Variants in DPYSL3 observed in about 807,000 individuals in gnomAD.
The protein encoded by DPYSL3 is dihydropyrimidinase like 3.
Under a neutral mutation model 66.1 loss-of-function variants are expected in DPYSL3, and 16 were observed. The ratio of observed to expected loss-of-function variants is 0.24; its 90% CI spans 0.16 to 0.37. The LOEUF is 0.37. Ranked by LOEUF, DPYSL3 falls within the 10% of genes least tolerant of loss-of-function variation. DPYSL3 has a pLI of 1.00. For synonymous variants in DPYSL3, 338 were observed against 345.1 expected, an observed-to-expected ratio of 0.98 and a Z score of 0.23; for missense variants, 738 against 916.2, an observed-to-expected ratio of 0.81 and a Z score of 2.51.
At chr5:147,446,240 GATA>G (rs1752627433) in intron 1 of DPYSL3, among the ~76,000 whole-genome samples, 3 of 152,278 alleles carry the variant, frequency 2.0e-5, no homozygotes, top group Admixed American at 1.3e-4. Flanking sequence ...ATCTGAGAGG[GATA>G]ATAAGGGTTT....
chr5:147,478,914 CA>C, intron 1 of DPYSL3, among the ~76,000 whole-genome samples: 1 of 152,258 alleles, frequency 6.6e-6, no homozygotes, highest in African/African-American at 2.4e-5. Flanking sequence ...ACCCTGAAGA[CA>C]AAAACTTTAT....
At chr5:147,506,054 T>C (rs1040765816) in intron 1 of DPYSL3, among the ~76,000 whole-genome samples, 11 of 152,090 alleles carry the variant, frequency 7.2e-5, no homozygotes, top group African/African-American at 2.7e-4. Context: ...CCATTTTCTG[T>C]GAGGAAACGA....
intron 1 of DPYSL3, among the ~76,000 whole-genome samples, chr5:147,470,363 C>A (rs1753068790): frequency 6.6e-6 from 1 of 152,136 alleles, no homozygotes; most frequent in Non-Finnish European, 1.5e-5. Context: ...TTCCGGTGCT[C>A]TGTAGCTCAG....
At chr5:147,445,268 C>A (rs1234077944) in intron 1 of DPYSL3, among the ~76,000 whole-genome samples, 1 of 152,190 alleles carries the variant, frequency 6.6e-6, no homozygotes, top group Non-Finnish European at 1.5e-5. Context: ...GACTTTCTGG[C>A]ACATGTGCCC....
chr5:147,418,325 C>A (rs1752012602), intron 3 of DPYSL3, 122 bp downstream of exon 3: 2 of 1,022,176 alleles, frequency 2.0e-6, no homozygotes, highest in African/African-American at 3.2e-5. Context: ...TCCCATCAGG[C>A]AACACATCTA....
intron 1 of DPYSL3, among the ~76,000 whole-genome samples, chr5:147,477,623 C>T (rs1483951996): frequency 8.3e-6 from 1 of 120,020 alleles, no homozygotes; most frequent in African/African-American, 3.1e-5. Context: ...TCGCCCAGGC[C>T]GGACTGCGGA....
chr5:147,470,668 A>G (rs759858860), intron 1 of DPYSL3, among the ~76,000 whole-genome samples: 2 of 151,974 alleles, frequency 1.3e-5, no homozygotes, highest in Admixed American at 6.6e-5. Context: ...CCTAACTTGC[A>G]TTTTATGTTC....
Position 147,453,831 on chromosome 5 carries a change from T to C in DPYSL3, c.382-28868A>G, listed in dbSNP as rs1752794641. On this transcript the variant is annotated intron_variant, in intron 1 of 13. Transcript: ENST00000343218. ...CCACGCACACCCTCCTCCACCCGCG[T>C]TCACGCCCGGGTTTTGTTTTTTTTT... 4 of 1,055,792 alleles carry C rather than the reference T, an allele frequency of 3.8e-6. 1 individual carries two copies. Among genetic ancestry groups the C allele is most frequent in the East Asian group, 3.4e-5 (1 of 29,166 alleles). 65.4% of individuals were successfully genotyped at this position (1,055,792 alleles called of 1,614,324 possible).
At chr5:147,407,051 T>C (rs1758342316) in intron 7 of DPYSL3, among the ~76,000 whole-genome samples, 1 of 152,122 alleles carries the variant, frequency 6.6e-6, no homozygotes, top group Non-Finnish European at 1.5e-5. Context: ...ATGCCTGGGG[T>C]CCCAGCTCTC....
chr5:147,497,613 T>A (rs915036993), intron 1 of DPYSL3, among the ~76,000 whole-genome samples: 3 of 151,540 alleles, frequency 2.0e-5, no homozygotes, highest in African/African-American at 7.3e-5. Flanking sequence ...ACATTACACA[T>A]AATATAATCC....
chr5:147,480,625 G>A (rs567640981), intron 1 of DPYSL3, among the ~76,000 whole-genome samples: 1 of 151,836 alleles, frequency 6.6e-6, no homozygotes, highest in South Asian at 2.1e-4. Context: ...TTTATCTGCT[G>A]TAGGAAGCTA....
At chr5:147,411,889 C>A (rs940250518) in intron 6 of DPYSL3, among the ~76,000 whole-genome samples, 4 of 152,146 alleles carry the variant, frequency 2.6e-5, no homozygotes. Flanking sequence ...TTCTTGTTGC[C>A]AACATTATCA....
At position 147,509,514 on chromosome 5, in the gene DPYSL3, G is replaced by C. The variant is rs1199742413; in HGVS notation, c.345C>G (p.Gly115=). Residue 115 remains glycine, a synonymous_variant, in exon 1 of 14, where the codon GGC becomes GGG. Transcript: ENST00000343218. The surrounding 1 kb of genome is among the most constrained non-coding windows in gnomAD (Gnocchi z 5.3). Reference sequence around the variant, plus strand: ...GGCCGAGGTTCTGCAACACCTCTTTGCCGGTGGCGCTCCGGATCTCTACCC... The same window carrying C: ...GGCCGAGGTTCTGCAACACCTCTTTCCCGGTGGCGCTCCGGATCTCTACCC... ...PAGVEIRSAT[G]KEVLQNLGPK... 6.5e-7 allele frequency: 1 copy of C among 1,532,958 alleles called. No individual in the cohort carries two copies. The highest frequency in any genetic ancestry group is 2.4e-5 in the East Asian group (1 of 40,880). The allele number at this position is 1,532,958 out of a possible 1,614,324, so 95.0% of individuals were successfully genotyped here.
chr5:147,474,832 G>A (rs1208483023), intron 1 of DPYSL3, among the ~76,000 whole-genome samples: 2 of 151,926 alleles, frequency 1.3e-5, no homozygotes, highest in East Asian at 1.9e-4. Context: ...CAATTCCGTG[G>A]TTTTTAAGGT....
intron 1 of DPYSL3, among the ~76,000 whole-genome samples, chr5:147,468,356 A>G (rs1466759486): frequency 6.6e-6 from 1 of 152,252 alleles, no homozygotes; most frequent in Non-Finnish European, 1.5e-5. Context: ...TTTCACAACT[A>G]CAATGCACTG....
intron 1 of DPYSL3, among the ~76,000 whole-genome samples, chr5:147,494,557 T>C (rs867714584): frequency 1.1e-4 from 17 of 151,444 alleles, no homozygotes; most frequent in Admixed American, 2.6e-4. Flanking sequence ...CTATAGAGCT[T>C]ATGGATGTCA....
At chr5:147,468,791 T>C (rs1394702644) in intron 1 of DPYSL3, among the ~76,000 whole-genome samples, 3 of 152,156 alleles carry the variant, frequency 2.0e-5, no homozygotes, top group African/African-American at 4.8e-5. Flanking sequence ...TTGTTACATA[T>C]GTATACATGT....
intron 1 of DPYSL3, among the ~76,000 whole-genome samples, chr5:147,470,266 A>G (rs969223565): frequency 3.3e-5 from 5 of 151,982 alleles, no homozygotes; most frequent in Admixed American, 3.3e-4. Flanking sequence ...CCTTCTGCAT[A>G]TTATTCTTGG....
chr5:147,444,493 GATTAT>G (rs1752593332), intron 1 of DPYSL3, among the ~76,000 whole-genome samples: 1 of 152,076 alleles, frequency 6.6e-6, no homozygotes, highest in African/African-American at 2.4e-5. Flanking sequence ...TATCATACCT[GATTAT>G]ATTATATATG....
Sources: gnomAD v4.1 joint callset for allele counts (sites outside exome capture counted in the v4.1 genomes callset) on GRCh38, gnomAD v4.1.1 for gene constraint, Gnocchi (gnomAD v3.1) non-coding constraint, MANE v1.5 for transcripts, NCBI Gene and HGNC (gene_info 2026-07-23, HGNC 2026-07-21) for gene names.